The following PCYOX1L variants were observed in gnomAD, a reference collection of about 807,000 sequenced individuals.
PCYOX1L encodes prenylcysteine oxidase 1-like.
A neutral mutation model predicts 44.1 loss-of-function variants in PCYOX1L; 40 were observed. The ratio of observed to expected loss-of-function variants is 0.91; its 90% CI spans 0.70 to 1.18. PCYOX1L has a LOEUF of 1.18. Among genes scored for constraint, PCYOX1L ranks in the 50% most tolerant of loss-of-function variants. The probability of loss-of-function intolerance (pLI) is 0.00; values close to 1 mark genes in which losing one functional copy is unlikely to be tolerated. For synonymous variants in PCYOX1L, 266 were observed against 282.8 expected (o/e 0.94, Z 0.60); for missense variants, 605 against 653.3 (o/e 0.93, Z 0.81).
Position 149,368,498 on chromosome 5 carries a change from C to T in PCYOX1L, c.1329C>T (p.Leu443=). 1.2e-6 allele frequency: 2 copies of T among 1,612,568 alleles called. No individual in the cohort carries two copies. The highest frequency in any genetic ancestry group is 1.7e-6 in the Non-Finnish European group (2 of 1,179,140). ...CGAGGTTTGCACTCCATGACCAGCTCTTCTACCTCAATGCCCTGGAGTGGG... is the reference window on the plus strand; with the variant it reads ...CGAGGTTTGCACTCCATGACCAGCTTTTCTACCTCAATGCCCTGGAGTGGG... ...TLPRFALHDQ[L]FYLNALEWAA... is the part of the protein sequence containing the mutation. The change falls in exon 6 of 6, where the codon CTC becomes CTT. Residue 443 remains leucine, a synonymous_variant. Transcript: ENST00000274569.
rs1758279339 is a variant in PCYOX1L at position 149,368,012 on chromosome 5, G to T, written c.843G>T (p.Gln281His). 1 of 1,542,710 alleles carries T rather than the reference G, an allele frequency of 6.5e-7. No individual in the cohort carries two copies. The highest frequency in any genetic ancestry group is 1.4e-5 in the African/African-American group (1 of 72,316). Residue 281 changes from glutamine (Q) to histidine (H), a missense_variant, in exon 6 of 6, where the codon CAG (glutamine) becomes CAT (histidine). By Grantham distance (24) the Gln-to-His change is conservative (BLOSUM62 0). Transcript: ENST00000274569. The stretch of plus-strand genomic sequence containing the variant: ...TTCCAGAGGGGAAAGCCCTGTACCA[G>T]GTGGCGTATGAGAATGAGGTAGGCA... ...LHSTEGKALY[Q>H]VAYENEVGNS...
chr5:149,358,079 C>G lies in PCYOX1L; in HGVS notation c.11C>G (p.Ala4Gly). 7.1e-7 allele frequency: 1 copy of G among 1,411,688 alleles called. No homozygotes were observed. Among genetic ancestry groups the G allele is most frequent in the African/African-American group, 1.5e-5 (1 of 67,064 alleles). 87.4% of individuals were successfully genotyped at this position (1,411,688 alleles called of 1,614,324 possible). A position where few individuals can be genotyped will look rare whatever the true frequency, so the allele number is the denominator to read the frequency against. The change falls in exon 1 of 6, where the codon GCA becomes GGA. Residue 4 changes from alanine to glycine, a missense_variant. Ala to Gly is a moderately conservative substitution (Grantham distance 60). Transcript: ENST00000274569. ...CGCTCGCCGCCCGCCATGGCCCGCG[C>G]AGCCCCGCTGCTCGCCGCGTTGACC... is the stretch of plus-strand genomic sequence containing the variant. MARAAPLLAALTAL... is the reference protein window; with the variant it reads MARGAPLLAALTAL...
At chr5:149,367,969 A>G (rs1758275678) in intron 5 of PCYOX1L, 24 bp from the exon 6 acceptor site, 4 of 1,519,904 alleles carry the variant, frequency 2.6e-6, no homozygotes, top group Non-Finnish European at 3.5e-6. Flanking sequence ...GGGAAAGTTG[A>G]CTTTTGTGCT....
rs767994298 is a variant in PCYOX1L, at chr5:149,368,250, AC to A, written c.1083del (p.Thr362GlnfsTer46). The stretch of plus-strand genomic sequence containing the variant: ...GCTTTTCCCCTTTGCCAACATCCTT[AC>A]CACAGATTTCCCCAGCTTCTTCTGC... ...PKLFPFANIL[T>X]TDFPSFFCTL... On this transcript the variant is annotated frameshift_variant, in exon 6 of 6. Transcript: ENST00000274569. LOFTEE classifies it high-confidence loss of function. 1 of 1,613,938 alleles carries A rather than the reference AC, an allele frequency of 6.2e-7. No homozygotes were observed. The highest frequency in any genetic ancestry group is 8.5e-7 in the Non-Finnish European group (1 of 1,179,988).
At position 149,362,871 on chromosome 5, in the gene PCYOX1L, G is replaced by A. The variant is rs749293827; in HGVS notation, c.295+28G>A. The A allele has an allele frequency of 5.6e-6, 9 of 1,611,104 alleles. No homozygotes were observed. The East Asian group carries it at 1.8e-4, about 32-fold the overall frequency. ...GAGTGGTCAGTCCTGGGGCTCCAGTGCCCAGCGCCCTGGGGCTGGTGACAG... is the reference window on the plus strand; with the variant it reads ...GAGTGGTCAGTCCTGGGGCTCCAGTACCCAGCGCCCTGGGGCTGGTGACAG... On this transcript the variant is annotated intron_variant, in intron 2 of 5. Transcript: ENST00000274569.
intron 4 of PCYOX1L, among the ~76,000 whole-genome samples, chr5:149,367,121 A>G (rs1289302025): frequency 1.3e-5 from 2 of 152,190 alleles, no homozygotes; most frequent in Non-Finnish European, 2.9e-5. Context: ...GGCATTCTGC[A>G]TAAATAGACC....
At chr5:149,362,333 A>G (rs1201078754) in intron 1 of PCYOX1L, 2 of 386,368 alleles carry the variant, frequency 5.2e-6, no homozygotes, top group African/African-American at 2.0e-5. Flanking sequence ...GTTTTATATA[A>G]AACTAAATTT....
chr5:149,368,105 C>G lies in PCYOX1L; in HGVS notation c.936C>G (p.Asn312Lys), dbSNP rs751790907. Residue 312 changes from asparagine (N) to lysine (K), a missense_variant, in exon 6 of 6, where the codon AAC becomes AAG. By Grantham distance (94) the Asn-to-Lys change is moderately conservative. Coordinates refer to ENST00000274569, the MANE Select transcript of PCYOX1L (RefSeq NM_024028.4). ...TGCACCTGGACAACAGCAGCAGCAA[C>G]TTAACCTTTGCAGGCTTCCACCCGC... ...TPLHLDNSSS[N>K]LTFAGFHPPI... is the part of the protein sequence containing the mutation. The G allele has an allele frequency of 1.9e-6, 3 of 1,612,888 alleles. No homozygotes were observed. The highest frequency in any genetic ancestry group is 2.7e-5 in the African/African-American group (2 of 75,034).
At chr5:149,366,232 TAAC>T (rs1561703229) in intron 4 of PCYOX1L, 79 bp downstream of exon 4, 2 of 1,432,512 alleles carry the variant, frequency 1.4e-6, no homozygotes, top group Non-Finnish European at 1.9e-6. Flanking sequence ...GTCCCCATAA[TAAC>T]CTCACTTTTA....
Position 149,368,714 on chromosome 5 carries a change from A to G in PCYOX1L, c.*60A>G. 6.9e-7 allele frequency: 1 copy of G among 1,456,546 alleles called. No homozygotes were observed. Among genetic ancestry groups the G allele is most frequent in the Non-Finnish European group, 9.1e-7 (1 of 1,100,674 alleles). 90.2% of individuals were successfully genotyped at this position (1,456,546 alleles called of 1,614,324 possible). ...CACTGAAGATGGATCATCCCACAGC[A>G]GCCCAGGACTGAATAAGCCATGCTC... is the stretch of plus-strand genomic sequence containing the variant. On this transcript the variant is annotated 3_prime_UTR_variant, in exon 6 of 6. Coordinates refer to ENST00000274569, the MANE Select transcript of PCYOX1L (RefSeq NM_024028.4).
In PCYOX1L at chr5:149,368,028, GAGGT is replaced by G. The variant is rs1399469414; in HGVS notation, c.863_866del (p.Val288AlafsTer25). ...CCTGTACCAGGTGGCGTATGAGAAT[GAGGT>G]AGGCAACAGCTCTGACTTCTATGAC... On this transcript the variant is annotated frameshift_variant, in exon 6 of 6. Coordinates refer to ENST00000274569, the MANE Select transcript of PCYOX1L (RefSeq NM_024028.4). LOFTEE classifies it high-confidence loss of function. 1 of 1,556,068 alleles carries G rather than the reference GAGGT, an allele frequency of 6.4e-7. No individual in the cohort carries two copies. Among genetic ancestry groups the G allele is most frequent in the Non-Finnish European group, 8.7e-7 (1 of 1,154,692 alleles).
In PCYOX1L at chr5:149,366,297, C is replaced by G. The variant is rs1244552584; in HGVS notation, c.682+144C>G. On this transcript the variant is annotated intron_variant, in intron 4 of 5. Coordinates refer to ENST00000274569, the MANE Select transcript of PCYOX1L (RefSeq NM_024028.4). ...CTCTGCTGCCCCATCCTGCCTGATT[C>G]TGGGACTGGCCATGAGTTGGCAGGA... is the stretch of plus-strand genomic sequence containing the variant. 3.7e-6 allele frequency: 3 copies of G among 819,896 alleles called. No homozygotes were observed. The African/African-American group carries it at 5.1e-5, about 14-fold the overall frequency. The allele number at this position is 819,896 out of a possible 1,614,324, so 50.8% of individuals were successfully genotyped here. A position where few individuals can be genotyped will look rare whatever the true frequency, so the allele number is the denominator to read the frequency against.
At chr5:149,366,676 A>G (rs1369864103) in intron 4 of PCYOX1L, among the ~76,000 whole-genome samples, 1 of 152,210 alleles carries the variant, frequency 6.6e-6, no homozygotes, top group African/African-American at 2.4e-5. Context: ...AAGTCATACT[A>G]GGCACTGGGT....
Position 149,369,240 on chromosome 5 carries a change from A to T in PCYOX1L, c.*586A>T, listed in dbSNP as rs1457086526. ...TCAACATCACTGCATATTGGAGGAG[A>T]TGACTGTGGTAGGACCCAAGGAAGA... On this transcript the variant is annotated 3_prime_UTR_variant, in exon 6 of 6. Transcript: ENST00000274569. The T allele has an allele frequency of 6.6e-6, 1 of 152,168 alleles. No homozygotes were observed. The highest frequency in any genetic ancestry group is 1.5e-5 in the Non-Finnish European group (1 of 68,052). The allele number at this position is 152,168 out of a possible 1,614,324, so 9.4% of individuals were successfully genotyped here.
intron 4 of PCYOX1L, among the ~76,000 whole-genome samples, chr5:149,367,099 T>G (rs1348105061): frequency 6.6e-6 from 1 of 152,186 alleles, no homozygotes; most frequent in African/African-American, 2.4e-5. Flanking sequence ...TTCTGTGGAT[T>G]TGCCTAGTCT....
chr5:149,367,487 C>A lies in PCYOX1L; in HGVS notation c.810C>A (p.Thr270=). Residue 270 remains threonine (T), a synonymous_variant, in exon 5 of 6, where the codon ACC becomes ACA. Transcript: ENST00000274569. ...TCCATGCCACAGTGACCTCTGTGAC[C>A]CTGCACAGCACAGGTGAGTAGACAG... ...NVIHATVTSV[T]LHSTEGKALY... is the part of the protein sequence containing the mutation. 6.2e-7 allele frequency: 1 copy of A among 1,613,748 alleles called. No individual in the cohort carries two copies. Among genetic ancestry groups the A allele is most frequent in the Non-Finnish European group, 8.5e-7 (1 of 1,179,854 alleles).
Position 149,366,015 on chromosome 5 carries a change from A to G in PCYOX1L, c.544A>G (p.Thr182Ala). 1 of 1,614,152 alleles carries G rather than the reference A, an allele frequency of 6.2e-7. No homozygotes were observed. Among genetic ancestry groups the G allele is most frequent in the Non-Finnish European group, 8.5e-7 (1 of 1,180,008 alleles). ...EELLYSLGES[T>A]FVNMTQHSVA... ...GCTGCTCTACTCACTGGGGGAGTCC[A>G]CCTTTGTTAACATGACCCAGCACTC... Residue 182 changes from threonine to alanine, a missense_variant, in exon 4 of 6, where the codon ACC (threonine) becomes GCC (alanine). Physicochemically the swap from Thr to Ala is moderately conservative, Grantham distance 58 (BLOSUM62 0). Transcript: ENST00000274569.
chr5:149,362,735 G>C lies in PCYOX1L; in HGVS notation c.187G>C (p.Val63Leu), dbSNP rs370550559. The change falls in exon 2 of 6, where the codon GTG becomes CTG. Residue 63 changes from valine to leucine, a missense_variant. By Grantham distance (32) the Val-to-Leu change is conservative. Coordinates refer to ENST00000274569, the MANE Select transcript of PCYOX1L (RefSeq NM_024028.4). Reference protein sequence around the residue: ...VQIDVYEKGTVGGRLATISVN... With the variant: ...VQIDVYEKGTLGGRLATISVN... ...GATCGACGTGTACGAGAAGGGAACC[G>C]TGGGTGGCCGCTTGGCCACCATCTC... The C allele has an allele frequency of 5.0e-6, 8 of 1,614,028 alleles. No individual in the cohort carries two copies. The highest frequency in any genetic ancestry group is 4.0e-5 in the African/African-American group (3 of 74,920).
rs1046488597 is a variant in PCYOX1L, at chr5:149,360,925, G to C, written c.89-1712G>C. ...TCTGGCAGGAACTGGTACTCTGTGG[G>C]TCCAAATGGGTCCAGTAAGGACAAA... On this transcript the variant is annotated intron_variant, in intron 1 of 5. Transcript: ENST00000274569. Among the ~76,000 whole-genome samples the C allele has an allele frequency of 2.0e-5, 3 of 152,218 alleles. No homozygotes were observed. The East Asian group carries it at 5.8e-4, about 29-fold the overall frequency.
Sources: gnomAD v4.1 joint callset for allele counts (sites outside exome capture counted in the v4.1 genomes callset) on GRCh38, gnomAD v4.1.1 for gene constraint, MANE v1.5 for transcripts, NCBI Gene and HGNC (gene_info 2026-07-23, HGNC 2026-07-21) for gene names.